FAAH2: variants seen among roughly 807,000 people sequenced by gnomAD.
The protein encoded by FAAH2 is fatty acid amide hydrolase 2, also known as fatty-acid amide hydrolase 2.
In FAAH2, 60 loss-of-function variants were observed where a neutral mutation model predicts 36.9. That is an observed-to-expected ratio of 1.63 (90% CI 1.32 to 2.02). The LOEUF (loss-of-function observed/expected upper bound fraction) is 2.02, where lower values mean the gene tolerates loss of function less well. Ranked by LOEUF, FAAH2 falls within the 30% of genes most tolerant of loss-of-function variation. FAAH2 has a pLI of 0.00. For synonymous variants in FAAH2, 214 were observed against 143.8 expected, an observed-to-expected ratio of 1.49 and a Z score of -3.49; for missense variants, 689 against 397.5, an observed-to-expected ratio of 1.73 and a Z score of -6.23.
the FAAH2 span, among the ~76,000 whole-genome samples, chrX:57,180,879 A>G: frequency 8.9e-6 from 1 of 111,794 alleles, no homozygotes; most frequent in South Asian, 3.7e-4. Flanking sequence ...CATCGTTGCA[A>G]AAATCCTGAA....
At chrX:57,393,419 C>A in intron 7 of FAAH2, 1 of 780,812 alleles carries the variant, frequency 1.3e-6, no homozygotes, top group African/African-American at 2.0e-5. Flanking sequence ...CTTTTCTATT[C>A]CAATGTCTGC....
intron 1 of FAAH2, chrX:57,290,177 A>G (rs2051933743): frequency 1.7e-6 from 1 of 591,580 alleles, no homozygotes; most frequent in African/African-American, 2.5e-5. Flanking sequence ...TGGTCATGTT[A>G]ACTTCTACCT....
At chrX:57,230,883 A>G in the FAAH2 span, among the ~76,000 whole-genome samples, 1 of 110,917 alleles carries the variant, frequency 9.0e-6, no homozygotes, top group Non-Finnish European at 1.9e-5. Context: ...ATTTGTTTCC[A>G]TTGTCTGATT....
At chrX:57,440,463 C>G (rs1344026731) in intron 8 of FAAH2, among the ~76,000 whole-genome samples, 5 of 111,670 alleles carry the variant, frequency 4.5e-5, no homozygotes, top group African/African-American at 6.5e-5. Context: ...TATCCTGAGA[C>G]TTTGCTGAAG....
intron 10 of FAAH2, among the ~76,000 whole-genome samples, chrX:57,474,707 C>T (rs991943708): frequency 8.9e-6 from 1 of 112,069 alleles, no homozygotes; most frequent in Admixed American, 9.5e-5. Context: ...GATTTATAAT[C>T]CTTCAGGTAT....
the FAAH2 span, among the ~76,000 whole-genome samples, chrX:57,170,924 G>A: frequency 9.1e-6 from 1 of 109,406 alleles, no homozygotes; most frequent in Non-Finnish European, 1.9e-5. Flanking sequence ...TGGCCAGGCT[G>A]GTTTCGAACT....
intron 10 of FAAH2, among the ~76,000 whole-genome samples, chrX:57,457,241 A>T (rs763010668): frequency 1.6e-3 from 176 of 111,791 alleles, no homozygotes; most frequent in African/African-American, 5.4e-3. Flanking sequence ...CTATAATATA[A>T]TCCAACATCC....
At chrX:57,482,502 AACTTCCTGT>A (rs1469740729) in intron 10 of FAAH2, among the ~76,000 whole-genome samples, 1 of 110,136 alleles carries the variant, frequency 9.1e-6, no homozygotes, top group Non-Finnish European at 1.9e-5. Flanking sequence ...GAGGTCCCCC[AACTTCCTGT>A]ACTTCCTGGG....
chrX:57,173,143 A>G, the FAAH2 span, among the ~76,000 whole-genome samples: 1 of 111,918 alleles, frequency 8.9e-6, no homozygotes, highest in Non-Finnish European at 1.9e-5. Flanking sequence ...TAGGGACTGC[A>G]TTGCATCTGT....
the FAAH2 span, chrX:57,127,161 T>C: frequency 3.6e-5 from 4 of 111,169 alleles, no homozygotes; most frequent in South Asian, 7.6e-4. Context: ...TTAAATGATA[T>C]AGTATCCCTA....
the FAAH2 span, among the ~76,000 whole-genome samples, chrX:57,269,320 G>A: frequency 9.9e-5 from 11 of 111,220 alleles, no homozygotes; most frequent in East Asian, 2.3e-3. Flanking sequence ...GATTATTGAG[G>A]CAGAAAATTA....
intron 8 of FAAH2, among the ~76,000 whole-genome samples, chrX:57,437,790 A>G (rs1189994703): frequency 9.8e-6 from 1 of 102,552 alleles, no homozygotes; most frequent in Non-Finnish European, 2.0e-5. Context: ...ATTATATATT[A>G]AATATGTTAT....
At position 57,489,088 on chromosome X, in the gene FAAH2, C is replaced by G. The variant is rs1164644802; in HGVS notation, c.*156C>G. 1.8e-6 allele frequency: 1 copy of G among 566,880 alleles called. No homozygotes were observed. Among genetic ancestry groups the G allele is most frequent in the African/African-American group, 2.4e-5 (1 of 42,180 alleles). The allele number at this position is 566,880 out of a possible 1,213,427, so 46.7% of individuals were successfully genotyped here. A position where few individuals can be genotyped will look rare whatever the true frequency, so the allele number is the denominator to read the frequency against. On this transcript the variant is annotated 3_prime_UTR_variant, in exon 11 of 11. Transcript: ENST00000374900. Reference sequence around the variant, plus strand: ...ATTCTTTCTACTTTTATTTCCTTCTCTAACTGTTGGTCTTACTAAAATGGT... The same window carrying G: ...ATTCTTTCTACTTTTATTTCCTTCTGTAACTGTTGGTCTTACTAAAATGGT...
At chrX:57,167,381 C>T in the FAAH2 span, among the ~76,000 whole-genome samples, 7 of 111,194 alleles carry the variant, frequency 6.3e-5, no homozygotes, top group African/African-American at 2.0e-4. Flanking sequence ...TTTACCAGAT[C>T]TTACCCCCTT....
the FAAH2 span, among the ~76,000 whole-genome samples, chrX:57,184,464 C>T: frequency 8.9e-6 from 1 of 112,268 alleles, no homozygotes; most frequent in African/African-American, 3.2e-5. Context: ...CTTTATTTCT[C>T]AGCCAGCCGA....
intron 3 of FAAH2, among the ~76,000 whole-genome samples, chrX:57,324,219 T>A (rs2053135664): frequency 8.9e-6 from 1 of 112,134 alleles, no homozygotes. Context: ...TTGATACCAG[T>A]ACCATGCTGT....
At chrX:57,211,736 G>A in the FAAH2 span, among the ~76,000 whole-genome samples, 1 of 111,675 alleles carries the variant, frequency 9.0e-6, no homozygotes, top group Non-Finnish European at 1.9e-5. Flanking sequence ...CTACTCAGGA[G>A]GACTTGAGAC....
At chrX:57,235,347 A>G in the FAAH2 span, among the ~76,000 whole-genome samples, 2 of 111,671 alleles carry the variant, frequency 1.8e-5, no homozygotes, top group Non-Finnish European at 3.8e-5. Flanking sequence ...GGGATGGTAC[A>G]TGACTTATCC....
chrX:57,127,557 G>A, the FAAH2 span, among the ~76,000 whole-genome samples: 1 of 111,230 alleles, frequency 9.0e-6, no homozygotes, highest in African/African-American at 3.3e-5. Flanking sequence ...AATCTTATGA[G>A]AATAAAAAAT....
Sources: allele counts gnomAD v4.1 joint callset (sites outside exome capture counted in the v4.1 genomes callset), GRCh38; gene constraint gnomAD v4.1.1; transcripts MANE v1.5; gene names NCBI Gene and HGNC (gene_info 2026-07-23, HGNC 2026-07-21).